The following LAMA2 variants were observed in gnomAD, a reference collection of about 807,000 sequenced individuals.
The protein encoded by LAMA2 is laminin subunit alpha-2.
In LAMA2, 269 loss-of-function variants were observed where a neutral mutation model predicts 364.8. That is an observed-to-expected ratio of 0.74 (90% CI 0.67 to 0.82). The LOEUF (loss-of-function observed/expected upper bound fraction) is 0.82, where lower values mean the gene tolerates loss of function less well. Ranked by LOEUF, LAMA2 falls within the 40% of genes least tolerant of loss-of-function variation. LAMA2 has a pLI of 0.00. For synonymous variants in LAMA2, 1,379 were observed against 1,370.6 expected, an observed-to-expected ratio of 1.01 and a Z score of -0.14; for missense variants, 3,807 against 3,873.2, an observed-to-expected ratio of 0.98 and a Z score of 0.45.
chr6:129,082,372 A>G (rs761679711), intron 3 of LAMA2, among the ~76,000 whole-genome samples: 6 of 152,148 alleles, frequency 3.9e-5, no homozygotes, highest in Admixed American at 2.6e-4. Flanking sequence ...TAAGAATAGT[A>G]TAAATTGACA....
At chr6:129,402,071 T>C (rs1780006738) in intron 38 of LAMA2, among the ~76,000 whole-genome samples, 1 of 151,850 alleles carries the variant, frequency 6.6e-6, no homozygotes, top group Non-Finnish European at 1.5e-5. Flanking sequence ...TAGCTGGGTG[T>C]GGTGGTGGGC....
chr6:129,251,070 C>CTATATA (rs1786184240), intron 13 of LAMA2, among the ~76,000 whole-genome samples: 2 of 67,632 alleles, frequency 3.0e-5, no homozygotes, highest in African/African-American at 9.6e-5. Context: ...CTCTCTCTCT[C>CTATATA]TCTCTCTATA....
chr6:129,403,557 G>A (rs541055033), intron 39 of LAMA2, among the ~76,000 whole-genome samples: 2 of 152,318 alleles, frequency 1.3e-5, no homozygotes, highest in Non-Finnish European at 2.9e-5. Context: ...ACCTGCTAGA[G>A]CACCTGGTTG....
chr6:129,120,407 T>G (rs1776739439), intron 4 of LAMA2, among the ~76,000 whole-genome samples: 1 of 152,198 alleles, frequency 6.6e-6, no homozygotes, highest in Non-Finnish European at 1.5e-5. Context: ...GTGTCAGTCA[T>G]AAAGACTTAC....
At chr6:129,460,522 G>A (rs1022009112) in intron 49 of LAMA2, among the ~76,000 whole-genome samples, 198 bp downstream of exon 49, 1 of 152,084 alleles carries the variant, frequency 6.6e-6, no homozygotes, top group Non-Finnish European at 1.5e-5. Flanking sequence ...AAGGCCCTGG[G>A]AGGTATACTA....
intron 9 of LAMA2, among the ~76,000 whole-genome samples, chr6:129,172,175 C>T (rs1455752926): frequency 6.6e-6 from 1 of 152,094 alleles, no homozygotes; most frequent in Non-Finnish European, 1.5e-5. Flanking sequence ...TCTCTCAGCT[C>T]GTCAAAGTCG....
At chr6:129,267,277 T>C (rs1787591662) in intron 16 of LAMA2, 58 bp downstream of exon 16, 2 of 1,144,906 alleles carry the variant, frequency 1.7e-6, no homozygotes, top group East Asian at 4.7e-5. Flanking sequence ...CCTCGACAGA[T>C]GCTACAATTC....
Position 129,454,288 on chromosome 6 carries a change from G to C in LAMA2, c.6707G>C (p.Arg2236Thr). The C allele has an allele frequency of 6.2e-7, 1 of 1,609,560 alleles. No individual in the cohort carries two copies. The highest frequency in any genetic ancestry group is 8.5e-7 in the Non-Finnish European group (1 of 1,176,490). Residue 2236 changes from arginine (R) to threonine (T), a missense_variant and splice_region_variant, in exon 47 of 65, where the codon AGA becomes ACA. Transcript: ENST00000421865. ...DSYWYRIVASRTGRNGTISVR... is the reference protein window; with the variant it reads ...DSYWYRIVASTTGRNGTISVR... ...TATTGGTACCGTATCGTAGCATCAA[G>C]GTAACCAACTTAATAAAGATTAAGA...
At chr6:129,374,928 G>A (rs1399182447) in intron 34 of LAMA2, among the ~76,000 whole-genome samples, 1 of 151,568 alleles carries the variant, frequency 6.6e-6, no homozygotes, top group African/African-American at 2.4e-5. Flanking sequence ...TGCTTGGTTG[G>A]CTCACCAGTC....
Position 128,960,148 on chromosome 6 carries a change from A to G in LAMA2, c.112+76791A>G, listed in dbSNP as rs1265899227. The stretch of plus-strand genomic sequence containing the variant: ...CCAAATGTTCTGTAGTTTGATCACA[A>G]TATGACCTGTGCTATGAATTTTTTG... On this transcript the variant is annotated intron_variant, in intron 1 of 64. Coordinates refer to ENST00000421865, the MANE Select transcript of LAMA2 (RefSeq NM_000426.4). Among the ~76,000 whole-genome samples the G allele has an allele frequency of 2.0e-5, 3 of 152,048 alleles. No homozygotes were observed. In the East Asian group the frequency reaches 5.8e-4, roughly 29 times the overall value.
chr6:128,906,253 A>AGT (rs1371585526), intron 1 of LAMA2, among the ~76,000 whole-genome samples: 21 of 114,662 alleles, frequency 1.8e-4, no homozygotes, highest in Non-Finnish European at 2.7e-4. Flanking sequence ...TCCCACCAAC[A>AGT]GTGTAAAAGT....
chr6:129,498,828 C>T (rs182547648), intron 58 of LAMA2, among the ~76,000 whole-genome samples: 5 of 152,310 alleles, frequency 3.3e-5, no homozygotes, highest in Non-Finnish European at 5.9e-5. Flanking sequence ...ACGAATCATA[C>T]GCACTCCTGA....
At chr6:129,122,962 C>A (rs1181115087) in intron 4 of LAMA2, among the ~76,000 whole-genome samples, 1 of 152,050 alleles carries the variant, frequency 6.6e-6, no homozygotes, top group East Asian at 1.9e-4. Context: ...ATTGGTTCAA[C>A]CATTATGGAA....
intron 34 of LAMA2, among the ~76,000 whole-genome samples, chr6:129,376,106 C>G (rs1778360794): frequency 6.6e-6 from 1 of 152,168 alleles, no homozygotes; most frequent in Non-Finnish European, 1.5e-5. Context: ...TGGCTTTCCA[C>G]TTTTTTCAGG....
intron 4 of LAMA2, among the ~76,000 whole-genome samples, chr6:129,110,409 C>T (rs981070115): frequency 6.6e-6 from 1 of 151,984 alleles, no homozygotes; most frequent in Non-Finnish European, 1.5e-5. Context: ...GCTAGATTTG[C>T]TGGTTATTAT....
intron 32 of LAMA2, among the ~76,000 whole-genome samples, chr6:129,359,919 C>G (rs1192814419): frequency 6.6e-6 from 1 of 152,130 alleles, no homozygotes; most frequent in Non-Finnish European, 1.5e-5. Flanking sequence ...ATCTGTAATA[C>G]TGGCTGCATG....
In LAMA2 at chr6:128,947,835, T is replaced by A. The variant is rs540850772; in HGVS notation, c.112+64478T>A. Among the ~76,000 whole-genome samples the A allele has an allele frequency of 7.2e-5, 11 of 152,116 alleles. No homozygotes were observed. In the South Asian group the frequency reaches 2.1e-3, roughly 29 times the overall value. On this transcript the variant is annotated intron_variant, in intron 1 of 64. Transcript: ENST00000421865. ...TGTTATAAAGGGAGAGGCTTAAGTA[T>A]CATTATAATATGAGCAGAAATTGCA... is the stretch of plus-strand genomic sequence containing the variant.
intron 2 of LAMA2, 149 bp from the exon 3 acceptor site, chr6:129,059,635 A>G (rs1300599820): frequency 3.1e-6 from 2 of 638,322 alleles, no homozygotes; most frequent in Admixed American, 2.4e-5. Flanking sequence ...TCTGTTGAGA[A>G]TCTGAATTAC....
intron 1 of LAMA2, among the ~76,000 whole-genome samples, chr6:128,959,762 G>T (rs975787747): frequency 1.1e-4 from 17 of 151,674 alleles, no homozygotes; most frequent in African/African-American, 3.9e-4. Context: ...CTCTTTTCAT[G>T]TTGAAATACA....
Sources: gnomAD v4.1 joint callset for allele counts (sites outside exome capture counted in the v4.1 genomes callset) on GRCh38, gnomAD v4.1.1 for gene constraint, MANE v1.5 for transcripts, NCBI Gene and HGNC (gene_info 2026-07-23, HGNC 2026-07-21) for gene names.